Variants in ARMC2 observed in about 807,000 individuals in gnomAD.
ARMC2 encodes the protein armadillo repeat containing 2.
In ARMC2, 67 loss-of-function variants were observed where a neutral mutation model predicts 90.3. The observed-to-expected ratio is 0.74, with a 90% confidence interval of 0.61 to 0.91. The LOEUF is 0.91. Among genes scored for constraint, ARMC2 ranks in the 40% least tolerant of loss-of-function variants. ARMC2 has a pLI of 0.00. For missense variants in ARMC2, 920 were observed against 1,030.9 expected (o/e 0.89, Z 1.47); for synonymous variants, 393 against 393.0 (o/e 1.00, Z 0.00).
At chr6:109,039,742 C>T in the ARMC2 span, among the ~76,000 whole-genome samples, 55 of 152,298 alleles carry the variant, frequency 3.6e-4, no homozygotes, top group African/African-American at 1.3e-3. Context: ...TACAAAGTTT[C>T]TAGTAAAAGT....
At position 108,859,766 on chromosome 6, in the gene ARMC2, G is replaced by A. The variant is rs368190245; in HGVS notation, c.291+1495G>A. Reference sequence around the variant, plus strand: ...ACGCCTGTAATCCCAGTGCTTTGGCGGACCCAGGCAGGCAGATCACCTGGG... The same window carrying A: ...ACGCCTGTAATCCCAGTGCTTTGGCAGACCCAGGCAGGCAGATCACCTGGG... On this transcript the variant is annotated intron_variant, in intron 3 of 17. Coordinates refer to ENST00000392644, the MANE Select transcript of ARMC2 (RefSeq NM_032131.6). 5.9e-5 allele frequency among the ~76,000 whole-genome samples: 9 copies of A among 151,990 alleles called. No homozygotes were observed. In the South Asian group the frequency reaches 1.2e-3, roughly 21 times the overall value.
chr6:108,907,779 T>G, intron 8 of ARMC2: 1 of 1,610,984 alleles, frequency 6.2e-7, no homozygotes, highest in African/African-American at 1.3e-5. Flanking sequence ...AAAATGCCAC[T>G]AGGGCTGAAG....
intron 13 of ARMC2, 33 bp from the exon 14 acceptor site, chr6:108,961,539 G>A (rs777236398): frequency 1.9e-6 from 3 of 1,566,380 alleles, no homozygotes; most frequent in South Asian, 2.4e-5. Context: ...CCTGCAGTGG[G>A]TCTTTGACTC....
At chr6:108,961,726 G>GTT in intron 14 of ARMC2, 32 bp downstream of exon 14, 1 of 1,553,822 alleles carries the variant, frequency 6.4e-7, no homozygotes, top group Admixed American at 1.9e-5. Flanking sequence ...GGATAAATGA[G>GTT]TGCTCATTTG....
In ARMC2 at chr6:108,868,944, G is replaced by A. The variant is rs1776107744; in HGVS notation, c.412G>A (p.Ala138Thr). Residue 138 changes from alanine (A) to threonine (T), a missense_variant, in exon 4 of 18, where the codon GCT (alanine) becomes ACT (threonine). Ala to Thr is a moderately conservative substitution (Grantham distance 58). Transcript: ENST00000392644. ...CAACGCCAGGGCTCGCTTATTCAGG[G>A]CTGCCTCCCAGCGGGCCCTTCTGCC... ...VSNARARLFR[A>T]ASQRALLPDR... 1.9e-6 allele frequency: 3 copies of A among 1,613,744 alleles called. No homozygotes were observed. Among genetic ancestry groups the A allele is most frequent in the African/African-American group, 2.7e-5 (2 of 74,908 alleles).
intron 12 of ARMC2, among the ~76,000 whole-genome samples, chr6:108,948,091 T>G (rs938133318): frequency 6.6e-6 from 1 of 152,214 alleles, no homozygotes; most frequent in African/African-American, 2.4e-5. Context: ...CTTGGTTTAA[T>G]TTTTACAAAT....
At chr6:108,887,711 C>G (rs1316133820) in intron 5 of ARMC2, among the ~76,000 whole-genome samples, 1 of 152,122 alleles carries the variant, frequency 6.6e-6, no homozygotes, top group African/African-American at 2.4e-5. Context: ...GCCAATCTGC[C>G]TGTACGAAGA....
At position 108,953,212 on chromosome 6, in the gene ARMC2, G is replaced by A. The variant is rs771573287; in HGVS notation, c.1776G>A (p.Arg592=). Residue 592 remains arginine, a synonymous_variant, in exon 13 of 18, where the codon AGG becomes AGA. Transcript: ENST00000392644. ...KPVGQRGEQH[R]AQRPPSEAED... is the part of the protein sequence containing the mutation. Reference sequence around the variant, plus strand: ...TGGGCCAACGAGGCGAGCAGCACAGGGCGCAGAGGCCGCCGTCAGAGGCAG... The same window carrying A: ...TGGGCCAACGAGGCGAGCAGCACAGAGCGCAGAGGCCGCCGTCAGAGGCAG... The A allele has an allele frequency of 6.8e-6, 11 of 1,613,904 alleles. No homozygotes were observed. Among genetic ancestry groups the A allele is most frequent in the African/African-American group, 2.7e-5 (2 of 74,954 alleles).
At chr6:109,000,294 G>A in the ARMC2 span, 43,393 of 423,500 alleles carry the variant, frequency 0.1, 2,679 homozygotes, top group Middle Eastern at 0.18. Flanking sequence ...GTGAACTATA[G>A]AGTTACTAGT....
At chr6:108,850,340 C>G (rs996121197) in intron 1 of ARMC2, among the ~76,000 whole-genome samples, 1 of 152,144 alleles carries the variant, frequency 6.6e-6, no homozygotes, top group Admixed American at 6.5e-5. Context: ...TTTAAAAGGT[C>G]CCTTGCCCTC....
At chr6:108,907,804 C>T in intron 8 of ARMC2, 10 of 1,609,306 alleles carry the variant, frequency 6.2e-6, no homozygotes, top group East Asian at 2.2e-5. Flanking sequence ...CCATCAAGAT[C>T]CAGCTTGGCA....
At chr6:108,962,943 G>A (rs921825635) in intron 15 of ARMC2, among the ~76,000 whole-genome samples, 10 of 152,170 alleles carry the variant, frequency 6.6e-5, no homozygotes, top group African/African-American at 2.2e-4. Flanking sequence ...AGGCTACAGT[G>A]AGCCATGATT....
intron 16 of ARMC2, among the ~76,000 whole-genome samples, chr6:108,964,595 G>T (rs545744594): frequency 6.6e-6 from 1 of 152,260 alleles, no homozygotes; most frequent in South Asian, 2.1e-4. Flanking sequence ...CCAACATGGT[G>T]AAACCCTGTC....
intron 11 of ARMC2, among the ~76,000 whole-genome samples, chr6:108,933,290 G>T (rs1015884128): frequency 6.6e-6 from 1 of 152,038 alleles, no homozygotes. Flanking sequence ...CACCTCCCTG[G>T]TTAGCTGTAT....
intron 5 of ARMC2, among the ~76,000 whole-genome samples, chr6:108,890,962 G>A (rs1770966082): frequency 7.2e-6 from 1 of 138,768 alleles, no homozygotes; most frequent in Admixed American, 8.2e-5. Flanking sequence ...GTGTTCATGT[G>A]TTCTCATTGT....
chr6:109,013,607 T>C, the ARMC2 span, among the ~76,000 whole-genome samples: 1 of 152,228 alleles, frequency 6.6e-6, no homozygotes, highest in African/African-American at 2.4e-5. Flanking sequence ...ATGGACCACA[T>C]GTTAAACCCT....
At chr6:108,989,391 C>A in the ARMC2 span, among the ~76,000 whole-genome samples, 148 of 150,910 alleles carry the variant, frequency 9.8e-4, no homozygotes, top group African/African-American at 2.0e-3. Context: ...CTTTCTCTCT[C>A]TCTATATATA....
intron 10 of ARMC2, among the ~76,000 whole-genome samples, chr6:108,925,194 A>G (rs1260415714): frequency 2.0e-5 from 3 of 152,194 alleles, no homozygotes; most frequent in African/African-American, 7.2e-5. Context: ...GAGCTGGGTA[A>G]CTACAGAGTC....
intron 5 of ARMC2, among the ~76,000 whole-genome samples, chr6:108,884,733 C>T (rs1382967313): frequency 6.6e-6 from 1 of 152,154 alleles, no homozygotes; most frequent in African/African-American, 2.4e-5. Context: ...TATGTGGGTC[C>T]ATTGTTTAAA....
Sources: gnomAD v4.1 joint callset for allele counts (sites outside exome capture counted in the v4.1 genomes callset) on GRCh38, gnomAD v4.1.1 for gene constraint, MANE v1.5 for transcripts, NCBI Gene and HGNC (gene_info 2026-07-23, HGNC 2026-07-21) for gene names.